CEP128: variants seen among roughly 807,000 people sequenced by gnomAD.
CEP128 encodes centrosomal protein 128kDa.
Under a neutral mutation model 156.7 loss-of-function variants are expected in CEP128, and 132 were observed. The ratio of observed to expected loss-of-function variants is 0.84; its 90% CI spans 0.73 to 0.97. The LOEUF is 0.97. CEP128 is among the 50% of genes least tolerant of loss of function. CEP128 has a pLI of 0.00. For missense variants in CEP128, 1,252 were observed against 1,281.9 expected (o/e 0.98, Z 0.36); for synonymous variants, 469 against 448.9 (o/e 1.04, Z -0.57).
chr14:80,620,646 A>G (rs1452396474), intron 19 of CEP128, among the ~76,000 whole-genome samples: 2 of 152,210 alleles, frequency 1.3e-5, no homozygotes, highest in African/African-American at 4.8e-5. Flanking sequence ...ATTACGTAAT[A>G]CTGAAGAGAA....
At chr14:80,584,492 C>A (rs1409866904) in intron 19 of CEP128, among the ~76,000 whole-genome samples, 1 of 152,104 alleles carries the variant, frequency 6.6e-6, no homozygotes, top group African/African-American at 2.4e-5. Flanking sequence ...GCCTTTCTAT[C>A]TTTGATATTT....
At chr14:80,494,647 T>A (rs977407528), downstream of CEP128, among the ~76,000 whole-genome samples, 53 of 152,112 alleles carry the variant, frequency 3.5e-4, no homozygotes, top group African/African-American at 1.2e-3. Context: ...ATCACTGAAC[T>A]GAGACTCAAA....
intron 23 of CEP128, among the ~76,000 whole-genome samples, chr14:80,512,653 GTCT>G (rs1442465930): frequency 1.3e-5 from 2 of 151,532 alleles, no homozygotes; most frequent in Non-Finnish European, 3.0e-5. Flanking sequence ...TTGTTTCCTG[GTCT>G]TCTTCTTCCT....
intron 19 of CEP128, among the ~76,000 whole-genome samples, chr14:80,680,979 A>G (rs139203193): frequency 7.2e-5 from 11 of 152,274 alleles, no homozygotes; most frequent in African/African-American, 2.4e-4. Flanking sequence ...CCCTCTCCCA[A>G]TAAACAAGAA....
chr14:80,732,968 T>C (rs1898350765), intron 19 of CEP128, among the ~76,000 whole-genome samples: 2 of 152,060 alleles, frequency 1.3e-5, no homozygotes, highest in Admixed American at 1.3e-4. Flanking sequence ...AGCCACAGGG[T>C]GCCCAGATAT....
At chr14:80,584,174 G>A (rs900748627) in intron 19 of CEP128, among the ~76,000 whole-genome samples, 9 of 124,084 alleles carry the variant, frequency 7.3e-5, no homozygotes, top group East Asian at 4.8e-4. Context: ...GTTTGACAGC[G>A]TCTCATCCGA....
At chr14:80,762,903 T>C (rs1484775082) in intron 16 of CEP128, among the ~76,000 whole-genome samples, 2 of 152,166 alleles carry the variant, frequency 1.3e-5, no homozygotes, top group Non-Finnish European at 2.9e-5. Context: ...TTTTTGGTAC[T>C]CAGAGAGGTA....
intron 16 of CEP128, among the ~76,000 whole-genome samples, chr14:80,769,970 C>T (rs1900434664): frequency 6.6e-6 from 1 of 152,146 alleles, no homozygotes; most frequent in Non-Finnish European, 1.5e-5. Context: ...CTTTTTTCAC[C>T]TCAACCAATG....
Position 80,609,404 on chromosome 14 carries a change from T to C in CEP128, c.2807-28981A>G, listed in dbSNP as rs80084127. Among the ~76,000 whole-genome samples the C allele has an allele frequency of 4.3e-3, 657 of 152,310 alleles. 5 individuals are homozygous for C. The highest frequency in any genetic ancestry group is 0.013 in the African/African-American group (531 of 41,572). ...GATATCTTGAAGTTCACTGCATGTA[T>C]ATAAGGAATTTTATATTATTAAGAT... On this transcript the variant is annotated intron_variant, in intron 19 of 24. Transcript: ENST00000555265.
In CEP128 at chr14:80,703,806, T is replaced by C. The variant is rs376877179; in HGVS notation, c.2806+39269A>G. 6.4e-4 allele frequency among the ~76,000 whole-genome samples: 98 copies of C among 152,230 alleles called. No homozygotes were observed. The East Asian group carries it at 0.012, about 19-fold the overall frequency. On this transcript the variant is annotated intron_variant, in intron 19 of 24. Coordinates refer to ENST00000555265, the MANE Select transcript of CEP128 (RefSeq NM_152446.5). The stretch of plus-strand genomic sequence containing the variant: ...TTGTGTGTGTGTATATGTGTATGTG[T>C]GTGTGTATTTAGTTTCATGCAATTC...
intron 21 of CEP128, among the ~76,000 whole-genome samples, chr14:80,540,589 G>C (rs924223890): frequency 1.3e-5 from 2 of 152,166 alleles, no homozygotes; most frequent in African/African-American, 4.8e-5. Context: ...TTCTTAATGA[G>C]ATGGAAGGTC....
At chr14:80,608,836 G>A (rs1445358186) in intron 19 of CEP128, among the ~76,000 whole-genome samples, 3 of 152,104 alleles carry the variant, frequency 2.0e-5, no homozygotes, top group African/African-American at 7.2e-5. Context: ...ACACAGCACT[G>A]TCACATTATT....
At chr14:80,673,831 G>C (rs924770576) in intron 19 of CEP128, among the ~76,000 whole-genome samples, 6 of 150,452 alleles carry the variant, frequency 4.0e-5, no homozygotes, top group African/African-American at 1.5e-4. Context: ...ACAAAGATAA[G>C]CTTTCATAAA....
At chr14:80,850,319 A>C (rs1194023827) in intron 9 of CEP128, among the ~76,000 whole-genome samples, 1 of 152,170 alleles carries the variant, frequency 6.6e-6, no homozygotes, top group South Asian at 2.1e-4. Context: ...AAGAGTTGAG[A>C]GTATACACAC....
chr14:80,695,999 A>G (rs1010860631), intron 19 of CEP128, among the ~76,000 whole-genome samples: 1 of 152,150 alleles, frequency 6.6e-6, no homozygotes, highest in African/African-American at 2.4e-5. Flanking sequence ...TGACAGTAAG[A>G]CTGGAAACAA....
At chr14:80,644,524 T>A (rs1013355867) in intron 19 of CEP128, among the ~76,000 whole-genome samples, 35 of 152,188 alleles carry the variant, frequency 2.3e-4, no homozygotes, top group Non-Finnish European at 4.1e-4. Context: ...TTCTGTTATT[T>A]CAAAAAGAAG....
At chr14:80,559,161 A>G in intron 21 of CEP128, 118 bp downstream of exon 21, 1 of 885,372 alleles carries the variant, frequency 1.1e-6, no homozygotes, top group Non-Finnish European at 1.8e-6. Context: ...CCCCTTTGAC[A>G]TCTTAGATGT....
intron 2 of CEP128, among the ~76,000 whole-genome samples, chr14:80,937,296 G>A (rs1483770819): frequency 6.6e-6 from 1 of 152,172 alleles, no homozygotes. Context: ...ACTTCAGCCT[G>A]GGTGACAGAG....
intron 15 of CEP128, among the ~76,000 whole-genome samples, chr14:80,783,885 T>A (rs1236380959): frequency 6.6e-6 from 1 of 152,110 alleles, no homozygotes; most frequent in Non-Finnish European, 1.5e-5. Flanking sequence ...TATTTTAGCC[T>A]CCATTCTGAC....
Sources: gnomAD v4.1 joint callset for allele counts (sites outside exome capture counted in the v4.1 genomes callset) on GRCh38, gnomAD v4.1.1 for gene constraint, MANE v1.5 for transcripts, NCBI Gene and HGNC (gene_info 2026-07-23, HGNC 2026-07-21) for gene names.